PAH: variants seen among roughly 807,000 people sequenced by gnomAD.
PAH encodes the protein phenylalanine-4-hydroxylase.
Under a neutral mutation model 62.0 loss-of-function variants are expected in PAH, and 64 were observed. That is an observed-to-expected ratio of 1.03 (90% CI 0.84 to 1.27). The LOEUF (loss-of-function observed/expected upper bound fraction) is 1.27, where lower values mean the gene tolerates loss of function less well. PAH is among the 50% of genes most tolerant of loss of function. PAH has a pLI of 0.00. For missense variants in PAH, 579 were observed against 542.8 expected (o/e 1.07, Z -0.66); for synonymous variants, 195 against 196.2 (o/e 0.99, Z 0.05).
At chr12:102,884,367 C>T (rs1311618566) in intron 3 of PAH, among the ~76,000 whole-genome samples, 1 of 152,134 alleles carries the variant, frequency 6.6e-6, no homozygotes, top group African/African-American at 2.4e-5. Context: ...CAGGAGAGAC[C>T]ACAGAGGACC....
upstream of PAH, chr12:102,958,395 C>A (rs1880006246): frequency 1.4e-6 from 1 of 706,430 alleles, no homozygotes; most frequent in Admixed American, 3.6e-5. Flanking sequence ...GCAGAGCGCG[C>A]AGCAGCAGCA....
intron 2 of PAH, among the ~76,000 whole-genome samples, chr12:102,905,835 A>G (rs956923827): frequency 6.6e-6 from 1 of 152,180 alleles, no homozygotes; most frequent in African/African-American, 2.4e-5. Context: ...TAAAAAAAAA[A>G]AAAAAAATTC....
At position 102,889,012 on chromosome 12, in the gene PAH, G is replaced by A. The variant is rs536435022; in HGVS notation, c.352+5723C>T. 7.9e-5 allele frequency among the ~76,000 whole-genome samples: 12 copies of A among 152,140 alleles called. No homozygotes were observed. The East Asian group carries it at 2.3e-3, about 29-fold the overall frequency. ...GAAAAGCCAAGCAGAGGAAAGGAGA[G>A]AGGAAAGAAAAGTGCAGGTGGTGGG... On this transcript the variant is annotated intron_variant, in intron 3 of 12. Coordinates refer to ENST00000553106, the MANE Select transcript of PAH (RefSeq NM_000277.3).
Position 102,840,464 on chromosome 12 carries a change from G to A in PAH, c.1251C>T (p.Tyr417=), listed in dbSNP as rs1272159852. Residue 417 remains tyrosine (Y), a synonymous_variant, in exon 12 of 13, where the codon TAC becomes TAT. Coordinates refer to ENST00000553106, the MANE Select transcript of PAH (RefSeq NM_000277.3). ...PRPFSVRYDP[Y]TQRIEVLDNT... ...TGTCCAAGACCTCAATCCTTTGGGT[G>A]TATGGGTCGTAGCGAACTGAGAAGG... 6.2e-7 allele frequency: 1 copy of A among 1,613,934 alleles called. No homozygotes were observed. The highest frequency in any genetic ancestry group is 1.7e-5 in the Admixed American group (1 of 59,996).
intron 2 of PAH, among the ~76,000 whole-genome samples, chr12:102,905,997 CAGAGTATATAAAATGT>C (rs1449957599): frequency 6.6e-6 from 1 of 151,886 alleles, no homozygotes; most frequent in Non-Finnish European, 1.5e-5. Flanking sequence ...TAACAGTATT[CAGAGTATATAAAATGT>C]CAAAAAATCG....
At chr12:102,907,911 C>T (rs1009443942) in intron 2 of PAH, among the ~76,000 whole-genome samples, 1 of 152,118 alleles carries the variant, frequency 6.6e-6, no homozygotes, top group Admixed American at 6.5e-5. Context: ...AGCCACCATG[C>T]CCAGCCTTAA....
chr12:102,914,217 C>T (rs867411292), intron 1 of PAH, among the ~76,000 whole-genome samples: 1 of 152,188 alleles, frequency 6.6e-6, no homozygotes, highest in East Asian at 1.9e-4. Context: ...AAATGGAAGA[C>T]TAAACTGTTA....
intron 3 of PAH, among the ~76,000 whole-genome samples, chr12:102,892,608 A>G (rs1022424373): frequency 3.3e-5 from 5 of 152,248 alleles, no homozygotes; most frequent in Admixed American, 3.3e-4. Context: ...ATTCAGGAAC[A>G]AAAAGAAATG....
At chr12:102,929,127 G>T (rs190082759) in intron 1 of PAH, among the ~76,000 whole-genome samples, 1 of 152,244 alleles carries the variant, frequency 6.6e-6, no homozygotes, top group East Asian at 1.9e-4. Flanking sequence ...CTTCCACCAT[G>T]ATTGTCAGTT....
chr12:102,863,106 C>T (rs1875805078), intron 5 of PAH, among the ~76,000 whole-genome samples: 1 of 152,184 alleles, frequency 6.6e-6, no homozygotes, highest in South Asian at 2.1e-4. Flanking sequence ...TAGTAAACCT[C>T]TCTGAGCCTC....
upstream of PAH, among the ~76,000 whole-genome samples, chr12:102,951,060 G>T (rs1397152071): frequency 3.1e-5 from 2 of 65,288 alleles, no homozygotes; most frequent in Admixed American, 1.3e-4. Context: ...TTTGTGCGTG[G>T]GGGGGGAAGC....
intron 1 of PAH, among the ~76,000 whole-genome samples, chr12:102,947,050 C>T (rs61941086): frequency 0.061 from 9,347 of 152,114 alleles, 333 homozygotes; most frequent in Admixed American, 0.1. Flanking sequence ...AGCATGAATA[C>T]CAGCTGGGAC....
At chr12:102,892,708 A>T (rs528291675) in intron 3 of PAH, among the ~76,000 whole-genome samples, 18 of 152,340 alleles carry the variant, frequency 1.2e-4, no homozygotes, top group African/African-American at 3.6e-4. Flanking sequence ...ATACTGTATG[A>T]TTTCAACTAT....
chr12:102,852,056 T>C, intron 7 of PAH: 1 of 397,860 alleles, frequency 2.5e-6, no homozygotes, highest in Non-Finnish European at 4.7e-6. Context: ...GTGGACATGC[T>C]CCCATATACC....
At chr12:102,886,894 A>G (rs897653230) in intron 3 of PAH, among the ~76,000 whole-genome samples, 1 of 152,200 alleles carries the variant, frequency 6.6e-6, no homozygotes, top group Non-Finnish European at 1.5e-5. Flanking sequence ...TATCGGTAGC[A>G]TAAATGATCA....
chr12:102,884,536 G>A (rs61942040), intron 3 of PAH, among the ~76,000 whole-genome samples: 27,836 of 152,126 alleles, frequency 0.18, 2,938 homozygotes, highest in Admixed American at 0.34. Context: ...TAATTCCTGC[G>A]TCTCTGGCTT....
chr12:102,838,971 A>AGATTT lies in PAH; in HGVS notation c.*199_*203dup. 1.7e-6 allele frequency: 1 copy of AGATTT among 592,568 alleles called. No individual in the cohort carries two copies. Among genetic ancestry groups the AGATTT allele is most frequent in the East Asian group, 2.8e-5 (1 of 35,754 alleles). The allele number at this position is 592,568 out of a possible 1,614,324, so 36.7% of individuals were successfully genotyped here. A position where few individuals can be genotyped will look rare whatever the true frequency, so the allele number is the denominator to read the frequency against. On this transcript the variant is annotated 3_prime_UTR_variant, in exon 13 of 13. Coordinates refer to ENST00000553106, the MANE Select transcript of PAH (RefSeq NM_000277.3). ...TCTCTAAATCAAAGATGACCCCAAA[A>AGATTT]GATTTACCATTATGCTCTTGAGTAT...
chr12:102,878,970 G>A (rs1008724087), intron 3 of PAH, among the ~76,000 whole-genome samples: 3 of 152,112 alleles, frequency 2.0e-5, no homozygotes, highest in African/African-American at 4.8e-5. Flanking sequence ...CAAAATAGAC[G>A]TGGTGGGAAC....
intron 3 of PAH, among the ~76,000 whole-genome samples, chr12:102,883,824 C>T (rs1340783894): frequency 6.6e-6 from 1 of 152,186 alleles, no homozygotes; most frequent in Non-Finnish European, 1.5e-5. Flanking sequence ...TGGAGCCAGA[C>T]CACCTAGCTC....
Sources: allele counts gnomAD v4.1 joint callset (sites outside exome capture counted in the v4.1 genomes callset), GRCh38; gene constraint gnomAD v4.1.1; transcripts MANE v1.5; gene names NCBI Gene and HGNC (gene_info 2026-07-23, HGNC 2026-07-21).